The following CES3 variants were observed in gnomAD, a reference collection of about 807,000 sequenced individuals.
The protein encoded by CES3 is carboxylesterase 3 (brain).
CES3 carries 49 observed loss-of-function variants against 57.6 expected under a neutral mutation model. The ratio of observed to expected loss-of-function variants is 0.85; its 90% CI spans 0.68 to 1.08. CES3 has a LOEUF of 1.08. Among genes scored for constraint, CES3 ranks in the 50% least tolerant of loss-of-function variants. The pLI is 0.00. For missense variants in CES3, 645 were observed against 742.0 expected (o/e 0.87, Z 1.52); for synonymous variants, 266 against 281.6 (o/e 0.94, Z 0.55).
At chr16:66,965,666 CCT>C (rs1963719310) in intron 6 of CES3, among the ~76,000 whole-genome samples, 1 of 152,310 alleles carries the variant, frequency 6.6e-6, no homozygotes, top group Admixed American at 6.5e-5. Context: ...GAGGTCATTC[CCT>C]GTCTCTCCTG....
At chr16:66,966,552 ATCTGTTGC>A in intron 7 of CES3, 165 bp from the exon 8 acceptor site, 2 of 866,664 alleles carry the variant, frequency 2.3e-6, no homozygotes. Flanking sequence ...AACTGGACGC[ATCTGTTGC>A]CCTGATCTCC....
In CES3 at chr16:66,963,008, G is replaced by A; in HGVS notation, c.83-171G>A. 1.3e-6 allele frequency: 1 copy of A among 744,404 alleles called. No homozygotes were observed. Among genetic ancestry groups the A allele is most frequent in the Non-Finnish European group, 2.4e-6 (1 of 423,920 alleles). 46.1% of individuals were successfully genotyped at this position (744,404 alleles called of 1,614,324 possible). On this transcript the variant is annotated intron_variant, in intron 1 of 12. Transcript: ENST00000303334. This position sits in a 1 kb window ranked among gnomAD's most constrained non-coding sequence, Gnocchi z 4.9. ...TGGAGTGGTAGTGACTCTCAGGCAGGCAGGGAGGAGGAAGTTGGGCGTCAA... is the reference window on the plus strand; with the variant it reads ...TGGAGTGGTAGTGACTCTCAGGCAGACAGGGAGGAGGAAGTTGGGCGTCAA...
At chr16:66,962,252 T>C (rs1260849732) in intron 1 of CES3, among the ~76,000 whole-genome samples, 4 of 152,184 alleles carry the variant, frequency 2.6e-5, no homozygotes, top group African/African-American at 7.2e-5. Flanking sequence ...TGGTTGGGTA[T>C]GGCTCTGGAC....
chr16:66,966,690 A>G (rs1963736930), intron 7 of CES3, 35 bp from the exon 8 acceptor site: 1 of 1,612,890 alleles, frequency 6.2e-7, no homozygotes, highest in African/African-American at 1.3e-5. Context: ...GCTTGGCCCT[A>G]ACTTGGGAGC....
rs778025337 is a variant in CES3, at chr16:66,964,358, A to C, written c.562A>C (p.Thr188Pro). The C allele has an allele frequency of 1.2e-6, 2 of 1,613,662 alleles. No homozygotes were observed. Among genetic ancestry groups the C allele is most frequent in the Non-Finnish European group, 1.7e-6 (2 of 1,179,920 alleles). Residue 188 changes from threonine (T) to proline (P), a missense_variant and splice_region_variant, in exon 5 of 13, where the codon ACT (threonine) becomes CCT (proline). Thr to Pro is a conservative substitution (Grantham distance 38). Transcript: ENST00000303334. ...CCGTTGCCCCAACACTGCCCCCAGCACTGGAGATGAGCATGCACCTGGCAA... is the reference window on the plus strand; with the variant it reads ...CCGTTGCCCCAACACTGCCCCCAGCCCTGGAGATGAGCATGCACCTGGCAA... ...YRLGVLGFFS[T>P]GDEHAPGNQG... is the part of the protein sequence containing the mutation.
intron 7 of CES3, 82 bp from the exon 8 acceptor site, chr16:66,966,643 C>A: frequency 6.4e-7 from 1 of 1,558,404 alleles, no homozygotes; most frequent in Non-Finnish European, 8.8e-7. Context: ...ACACTCAGGC[C>A]TGCAGCTCAG....
chr16:66,966,632 G>A (rs759407498), intron 7 of CES3, 93 bp from the exon 8 acceptor site: 5 of 1,513,288 alleles, frequency 3.3e-6, no homozygotes, highest in African/African-American at 1.4e-5. Flanking sequence ...TCCAGGCTCA[G>A]ACACTCAGGC....
chr16:66,971,852 C>T (rs1963838862), intron 10 of CES3, among the ~76,000 whole-genome samples: 1 of 152,162 alleles, frequency 6.6e-6, no homozygotes, highest in Admixed American at 6.5e-5. Context: ...AATGATGACA[C>T]TGGCCAGGCG....
At chr16:66,971,406 C>A (rs1365235929) in intron 10 of CES3, 87 bp downstream of exon 10, 3 of 1,425,300 alleles carry the variant, frequency 2.1e-6, no homozygotes, top group Non-Finnish European at 2.9e-6. Context: ...TGATAGGGTG[C>A]TGGTTCCCTC....
In CES3 at chr16:66,974,766, C is replaced by T. The variant is rs2145545616; in HGVS notation, c.*1717C>T. 6.6e-6 allele frequency: 1 copy of T among 152,538 alleles called. No homozygotes were observed. Among genetic ancestry groups the T allele is most frequent in the Admixed American group, 6.5e-5 (1 of 15,300 alleles). 9.4% of individuals were successfully genotyped at this position (152,538 alleles called of 1,614,324 possible). A position where few individuals can be genotyped will look rare whatever the true frequency, so the allele number is the denominator to read the frequency against. On this transcript the variant is annotated 3_prime_UTR_variant, in exon 13 of 13. Transcript: ENST00000303334. Reference sequence around the variant, plus strand: ...AAATACACCGATGGGCACTCTGTATCTAGCTCAAGGTTTGTAAACACACCA... The same window carrying T: ...AAATACACCGATGGGCACTCTGTATTTAGCTCAAGGTTTGTAAACACACCA...
intron 1 of CES3, 62 bp downstream of exon 1, chr16:66,961,451 G>A: frequency 2.1e-6 from 3 of 1,405,858 alleles, no homozygotes; most frequent in Non-Finnish European, 3.0e-6. Flanking sequence ...AGTGAGACAG[G>A]GACAGGGAGC....
At chr16:66,966,640 G>A in intron 7 of CES3, 85 bp from the exon 8 acceptor site, 1 of 1,533,342 alleles carries the variant, frequency 6.5e-7, no homozygotes, top group Admixed American at 1.7e-5. Flanking sequence ...CAGACACTCA[G>A]GCCTGCAGCT....
rs1221558422 is a variant in CES3, at chr16:66,961,338, GT to G, written c.32del (p.Val11AlafsTer26). ...GAGAGCAGTGAGAGTGGAGTCCGGG[GT>G]CCTGGTCGGGGTGGTCTGTCTGCTC... The part of the protein sequence containing the change: MERAVRVESG[V>X]LVGVVCLLLA... On this transcript the variant is annotated frameshift_variant, in exon 1 of 13. Transcript: ENST00000303334. LOFTEE classifies it high-confidence loss of function. 1 of 1,613,886 alleles carries G rather than the reference GT, an allele frequency of 6.2e-7. No individual in the cohort carries two copies. Among genetic ancestry groups the G allele is most frequent in the East Asian group, 2.2e-5 (1 of 44,884 alleles).
chr16:66,971,349 C>G (rs1187983565), intron 10 of CES3, 30 bp downstream of exon 10: 1 of 1,602,372 alleles, frequency 6.2e-7, no homozygotes, highest in Admixed American at 1.7e-5. Context: ...CCTGCCCAAC[C>G]CCTCCCACTT....
chr16:66,972,541 T>C (rs1963855579), intron 11 of CES3, 36 bp downstream of exon 11: 1 of 1,605,986 alleles, frequency 6.2e-7, no homozygotes, highest in African/African-American at 1.3e-5. Flanking sequence ...ATCCCTAGGC[T>C]GCCAGACTCC....
Position 66,969,756 on chromosome 16 carries a change from T to C in CES3, c.1140T>C (p.Ser380=). 6.2e-7 allele frequency: 1 copy of C among 1,611,480 alleles called. No homozygotes were observed. ...CCATCTCAACACCCGTCTTGACCAG[T>C]CTGGTGAGACAAGAGGCAGGAGGGA... The part of the protein sequence containing the change: ...MLAISTPVLT[S]LDVPPEMMPT... Residue 380 remains serine, a synonymous_variant, in exon 9 of 13, where the codon AGT becomes AGC. Coordinates refer to ENST00000303334, the MANE Select transcript of CES3 (RefSeq NM_024922.6).
In CES3 at chr16:66,963,631, T is replaced by A; in HGVS notation, c.426+2T>A. On this transcript the variant is annotated splice_donor_variant, in intron 3 of 12. Coordinates refer to ENST00000303334, the MANE Select transcript of CES3 (RefSeq NM_024922.6). LOFTEE classifies it high-confidence loss of function. The surrounding 1 kb of genome is among the most constrained non-coding windows in gnomAD (Gnocchi z 4.9). ...GTCCCCGCAGGGTCCGGTAGGCCGG[T>A]AGGCACCCCAGAGGGCCCTGTCCAC... is the stretch of plus-strand genomic sequence containing the variant. 1.2e-6 allele frequency: 2 copies of A among 1,614,070 alleles called. No homozygotes were observed. The highest frequency in any genetic ancestry group is 1.7e-6 in the Non-Finnish European group (2 of 1,180,012).
rs773461817 is a variant in CES3, at chr16:66,963,636, A to T, written c.426+7A>T. On this transcript the variant is annotated splice_region_variant and intron_variant, in intron 3 of 12. Transcript: ENST00000303334. This position sits in a 1 kb window ranked among gnomAD's most constrained non-coding sequence, Gnocchi z 4.9. ...CGCAGGGTCCGGTAGGCCGGTAGGC[A>T]CCCCAGAGGGCCCTGTCCACCTGAT... is the stretch of plus-strand genomic sequence containing the variant. 1.2e-6 allele frequency: 2 copies of T among 1,613,948 alleles called. No homozygotes were observed. Among genetic ancestry groups the T allele is most frequent in the Non-Finnish European group, 8.5e-7 (1 of 1,179,988 alleles).
intron 8 of CES3, among the ~76,000 whole-genome samples, chr16:66,969,405 CA>C (rs1031181315): frequency 3.2e-4 from 48 of 149,854 alleles, no homozygotes; most frequent in Non-Finnish European, 7.4e-5. Flanking sequence ...GTCTCTGTCT[CA>C]AAAAAAAAAT....
Sources: gnomAD v4.1 joint callset for allele counts (sites outside exome capture counted in the v4.1 genomes callset) on GRCh38, gnomAD v4.1.1 for gene constraint, Gnocchi (gnomAD v3.1) non-coding constraint, MANE v1.5 for transcripts, NCBI Gene and HGNC (gene_info 2026-07-23, HGNC 2026-07-21) for gene names.